SBF2: variants seen among roughly 807,000 people sequenced by gnomAD.
SBF2 encodes SET binding factor 2.
In SBF2, 112 loss-of-function variants were observed where a neutral mutation model predicts 225.2. The ratio of observed to expected loss-of-function variants is 0.50; its 90% CI spans 0.43 to 0.58. SBF2 has a LOEUF of 0.58. SBF2 is among the 20% of genes least tolerant of loss of function. The probability of loss-of-function intolerance (pLI) is 0.00; values close to 1 mark genes in which losing one functional copy is unlikely to be tolerated. For missense variants in SBF2, 1,996 were observed against 2,206.2 expected, an observed-to-expected ratio of 0.90 and a Z score of 1.91; for synonymous variants, 763 against 773.3, an observed-to-expected ratio of 0.99 and a Z score of 0.22.
intron 6 of SBF2, among the ~76,000 whole-genome samples, chr11:10,018,809 A>T (rs570827805): frequency 6.6e-6 from 1 of 152,314 alleles, no homozygotes; most frequent in Non-Finnish European, 1.5e-5. Context: ...TAGCATAAAT[A>T]TTTAATTTTT....
intron 2 of SBF2, among the ~76,000 whole-genome samples, chr11:10,055,822 G>A (rs999311072): frequency 2.0e-5 from 3 of 151,958 alleles, no homozygotes; most frequent in African/African-American, 7.3e-5. Context: ...TACCTATTGG[G>A]TACATAGTAC....
intron 1 of SBF2, among the ~76,000 whole-genome samples, chr11:10,290,533 C>G (rs1476094681): frequency 1.3e-5 from 2 of 151,906 alleles, no homozygotes; most frequent in African/African-American, 2.4e-5. Context: ...TAGATCCAGA[C>G]TGGGGTAGGG....
At chr11:9,820,214 A>C (rs939183339) in intron 28 of SBF2, among the ~76,000 whole-genome samples, 2 of 152,200 alleles carry the variant, frequency 1.3e-5, no homozygotes, top group African/African-American at 4.8e-5. Context: ...TTAAGTTATA[A>C]AATGCAAAAG....
In SBF2 at chr11:10,042,720, C is replaced by T. The variant is rs942762592; in HGVS notation, c.279+124G>A. Reference sequence around the variant, plus strand: ...TCTCCAACCTTAAACATAAAAATTTCTTCATGCTTCTTATGCTAGCCCATA... The same window carrying T: ...TCTCCAACCTTAAACATAAAAATTTTTTCATGCTTCTTATGCTAGCCCATA... On this transcript the variant is annotated intron_variant, in intron 3 of 39. Coordinates refer to ENST00000256190, the MANE Select transcript of SBF2 (RefSeq NM_030962.4). 20 of 905,752 alleles carry T rather than the reference C, an allele frequency of 2.2e-5. No individual in the cohort carries two copies. In the African/African-American group the frequency reaches 2.7e-4, roughly 12 times the overall value. The allele number at this position is 905,752 out of a possible 1,614,324, so 56.1% of individuals were successfully genotyped here.
At chr11:10,069,232 T>A (rs1185345162) in intron 2 of SBF2, among the ~76,000 whole-genome samples, 2 of 152,180 alleles carry the variant, frequency 1.3e-5, no homozygotes, top group East Asian at 3.9e-4. Flanking sequence ...GTTACATAGG[T>A]ATACATGTGC....
At chr11:9,915,173 G>A (rs1054892596) in intron 16 of SBF2, among the ~76,000 whole-genome samples, 2 of 152,142 alleles carry the variant, frequency 1.3e-5, no homozygotes, top group Non-Finnish European at 2.9e-5. Context: ...AGAAGGCCGG[G>A]TGCAGTGGCT....
chr11:10,273,464 T>C (rs959761635), intron 1 of SBF2, among the ~76,000 whole-genome samples: 1 of 152,256 alleles, frequency 6.6e-6, no homozygotes, highest in Admixed American at 6.5e-5. Context: ...TATGAGCACA[T>C]GCTTCTAAAG....
At chr11:10,077,605 T>C (rs1274598576) in intron 2 of SBF2, among the ~76,000 whole-genome samples, 1 of 152,164 alleles carries the variant, frequency 6.6e-6, no homozygotes, top group Admixed American at 6.5e-5. Flanking sequence ...TGAAACTGGA[T>C]CCCTTCCTTA....
intron 2 of SBF2, among the ~76,000 whole-genome samples, chr11:10,108,692 T>C (rs1952690017): frequency 6.6e-6 from 1 of 151,622 alleles, no homozygotes; most frequent in African/African-American, 2.4e-5. Context: ...GCCCGGCTAA[T>C]TTTTTGTATT....
intron 16 of SBF2, among the ~76,000 whole-genome samples, chr11:9,933,975 G>C (rs983790333): frequency 3.9e-5 from 6 of 152,124 alleles, no homozygotes; most frequent in Non-Finnish European, 7.3e-5. Context: ...AATGCTACTC[G>C]GGAGGCTGAG....
At chr11:10,294,977 T>C (rs1471901094), upstream of SBF2, among the ~76,000 whole-genome samples, 4 of 152,240 alleles carry the variant, frequency 2.6e-5, no homozygotes, top group Admixed American at 1.3e-4. Flanking sequence ...GAATAGATGG[T>C]CCCGTCCTTC....
intron 2 of SBF2, among the ~76,000 whole-genome samples, chr11:10,152,327 G>A (rs564131040): frequency 6.6e-6 from 1 of 152,240 alleles, no homozygotes; most frequent in African/African-American, 2.4e-5. Context: ...AAGGTGGGCA[G>A]ATCACCTGAG....
At chr11:10,038,011 T>A (rs1019459271) in intron 3 of SBF2, among the ~76,000 whole-genome samples, 1 of 152,060 alleles carries the variant, frequency 6.6e-6, no homozygotes, top group South Asian at 2.1e-4. Flanking sequence ...TTTGTTGAAA[T>A]ACACACATTC....
chr11:10,022,944 A>T (rs1359538444), intron 6 of SBF2, among the ~76,000 whole-genome samples: 4 of 152,130 alleles, frequency 2.6e-5, no homozygotes, highest in Admixed American at 2.6e-4. Flanking sequence ...CTTTGGCAAA[A>T]CAATAAGTAG....
chr11:9,785,510 G>A (rs1852314813), intron 36 of SBF2, among the ~76,000 whole-genome samples, 192 bp from the exon 37 acceptor site: 1 of 152,126 alleles, frequency 6.6e-6, no homozygotes. Flanking sequence ...CATTATTAGG[G>A]ACATTAAACA....
chr11:10,270,770 G>C (rs972318759), intron 1 of SBF2, among the ~76,000 whole-genome samples: 1 of 152,074 alleles, frequency 6.6e-6, no homozygotes, highest in Admixed American at 6.5e-5. Context: ...GAGGTAGGCG[G>C]ATCACAAGAT....
At chr11:9,916,110 A>T (rs181961605) in intron 16 of SBF2, among the ~76,000 whole-genome samples, 234 of 152,246 alleles carry the variant, frequency 1.5e-3, no homozygotes, top group Non-Finnish European at 1.9e-3. Flanking sequence ...TTAGCATTTT[A>T]AATCTATGAG....
intron 1 of SBF2, among the ~76,000 whole-genome samples, chr11:10,289,721 T>A (rs1591374192): frequency 6.6e-6 from 1 of 152,046 alleles, no homozygotes. Context: ...GCAGGGTGGG[T>A]GTGGTGACCA....
chr11:10,263,369 A>C (rs1802587542), intron 1 of SBF2, among the ~76,000 whole-genome samples: 1 of 152,120 alleles, frequency 6.6e-6, no homozygotes, highest in Admixed American at 6.6e-5. Context: ...TAATGACATA[A>C]TGCTGGAAGA....
Sources: allele counts gnomAD v4.1 joint callset (sites outside exome capture counted in the v4.1 genomes callset), GRCh38; gene constraint gnomAD v4.1.1; transcripts MANE v1.5; gene names NCBI Gene and HGNC (gene_info 2026-07-23, HGNC 2026-07-21).